ZRANB3: variants seen among roughly 807,000 people sequenced by gnomAD.
ZRANB3 encodes the protein zinc finger RANBP2-type containing 3, also known as DNA annealing helicase and endonuclease ZRANB3.
A neutral mutation model predicts 133.8 loss-of-function variants in ZRANB3; 125 were observed. That is an observed-to-expected ratio of 0.93 (90% CI 0.81 to 1.08). The LOEUF is 1.08. Ranked by LOEUF, ZRANB3 falls within the 50% of genes least tolerant of loss-of-function variation. The pLI is 0.00. For missense variants in ZRANB3, 1,229 were observed against 1,275.5 expected, an observed-to-expected ratio of 0.96 and a Z score of 0.56; for synonymous variants, 387 against 432.7, an observed-to-expected ratio of 0.89 and a Z score of 1.31.
chr2:135,256,971 C>T (rs961216021), intron 12 of ZRANB3, among the ~76,000 whole-genome samples: 2 of 152,196 alleles, frequency 1.3e-5, no homozygotes, highest in Non-Finnish European at 2.9e-5. Flanking sequence ...GATATTCCCA[C>T]CAGCACCAAA....
intron 6 of ZRANB3, among the ~76,000 whole-genome samples, chr2:135,328,291 C>T (rs1683944531): frequency 6.6e-6 from 1 of 150,980 alleles, no homozygotes; most frequent in East Asian, 1.9e-4. Context: ...GTTCAATTCC[C>T]ACATAAGAGT....
chr2:135,216,561 T>C (rs899697810), intron 17 of ZRANB3, among the ~76,000 whole-genome samples: 1 of 151,490 alleles, frequency 6.6e-6, no homozygotes, highest in African/African-American at 2.4e-5. Context: ...GGCCTCAGCC[T>C]CCCAAGTAGC....
chr2:135,444,461 C>T (rs904269906), intron 2 of ZRANB3, among the ~76,000 whole-genome samples: 2 of 152,048 alleles, frequency 1.3e-5, no homozygotes, highest in Non-Finnish European at 2.9e-5. Context: ...CTGATTTATA[C>T]AACAAGGATG....
At chr2:135,398,759 G>A (rs539712011) in intron 2 of ZRANB3, among the ~76,000 whole-genome samples, 5 of 150,762 alleles carry the variant, frequency 3.3e-5, no homozygotes, top group East Asian at 2.0e-4. Context: ...TCCTGACCTC[G>A]TGATCCGCCA....
chr2:135,436,745 T>C (rs1417861131), intron 2 of ZRANB3, among the ~76,000 whole-genome samples: 1 of 152,004 alleles, frequency 6.6e-6, no homozygotes, highest in Non-Finnish European at 1.5e-5. Context: ...GCATTCTTCA[T>C]AGAATTTAAA....
chr2:135,253,926 T>C (rs1679524389), intron 12 of ZRANB3, among the ~76,000 whole-genome samples: 5 of 152,252 alleles, frequency 3.3e-5, no homozygotes. Context: ...TGAAGACAGA[T>C]ATCTGATCAT....
rs112483955 is a variant in ZRANB3 at position 135,248,872 on chromosome 2, T to C, written c.1539+16662A>G. Among the ~76,000 whole-genome samples the C allele has an allele frequency of 3.0e-3, 452 of 152,166 alleles. 3 individuals are homozygous for C. Among genetic ancestry groups the C allele is most frequent in the African/African-American group, 0.01 (421 of 41,514 alleles). On this transcript the variant is annotated intron_variant, in intron 12 of 20. Transcript: ENST00000264159. The stretch of plus-strand genomic sequence containing the variant: ...AGTGAGCCAAGATTGCACCATCACA[T>C]TCCAGCCTGGGTGAGAAAGCAAGAC...
At chr2:135,422,882 T>TA (rs1211543659) in intron 2 of ZRANB3, among the ~76,000 whole-genome samples, 4 of 152,194 alleles carry the variant, frequency 2.6e-5, no homozygotes, top group African/African-American at 9.6e-5. Flanking sequence ...AGGGCTACTG[T>TA]AAAAAAGTAC....
chr2:135,360,711 AT>A (rs1685655316), intron 3 of ZRANB3, among the ~76,000 whole-genome samples: 1 of 152,202 alleles, frequency 6.6e-6, no homozygotes, highest in East Asian at 1.9e-4. Flanking sequence ...TCTCAAAAAA[AT>A]AAAATAAAAT....
At chr2:135,471,363 T>C (rs140138247) in intron 2 of ZRANB3, among the ~76,000 whole-genome samples, 1 of 152,286 alleles carries the variant, frequency 6.6e-6, no homozygotes, top group Non-Finnish European at 1.5e-5. Flanking sequence ...CAATAAGATC[T>C]TACCATAAGT....
intron 12 of ZRANB3, among the ~76,000 whole-genome samples, chr2:135,241,504 T>C (rs1371725287): frequency 1.3e-5 from 2 of 152,172 alleles, no homozygotes; most frequent in East Asian, 3.8e-4. Context: ...TTTATCTTTT[T>C]CATGCTATAG....
intron 12 of ZRANB3, among the ~76,000 whole-genome samples, chr2:135,234,568 A>T (rs943602790): frequency 6.6e-5 from 10 of 152,222 alleles, no homozygotes; most frequent in African/African-American, 2.4e-4. Flanking sequence ...ATGTAAAAGA[A>T]CAGAAATTAT....
chr2:135,418,927 T>C lies in ZRANB3; in HGVS notation c.162-28107A>G, dbSNP rs74701163. Among the ~76,000 whole-genome samples, 733 of 73,828 alleles carry C rather than the reference T, an allele frequency of 9.9e-3. 7 individuals carry two copies. The highest frequency in any genetic ancestry group is 0.032 in the African/African-American group (272 of 8,592). 48.4% of individuals were successfully genotyped at this position (73,828 alleles called of 152,430 possible). The stretch of plus-strand genomic sequence containing the variant: ...GTAATGAAAAATAAGGATTCTCTCT[T>C]TTTTTTTTTTTTTTTTTTTTTTTTT... On this transcript the variant is annotated intron_variant, in intron 2 of 20. Transcript: ENST00000264159.
chr2:135,335,297 TGG>T (rs1684319333), intron 6 of ZRANB3, among the ~76,000 whole-genome samples: 1 of 152,000 alleles, frequency 6.6e-6, no homozygotes, highest in African/African-American at 2.4e-5. Flanking sequence ...GACACTATTC[TGG>T]GTGACACAGA....
Position 135,363,036 on chromosome 2 carries a change from A to C in ZRANB3, c.181-9408T>G, listed in dbSNP as rs77316362. 3.0e-3 allele frequency among the ~76,000 whole-genome samples: 452 copies of C among 152,354 alleles called. 3 individuals carry two copies. The highest frequency in any genetic ancestry group is 0.01 in the African/African-American group (421 of 41,578). Reference sequence around the variant, plus strand: ...TTTCAAGTAAAAAGATTAAAAAAAAAGTTACAGCTCTACAACGTAGTAGCA... The same window carrying C: ...TTTCAAGTAAAAAGATTAAAAAAAACGTTACAGCTCTACAACGTAGTAGCA... On this transcript the variant is annotated intron_variant, in intron 3 of 20. Coordinates refer to ENST00000264159, the MANE Select transcript of ZRANB3 (RefSeq NM_032143.4).
rs146205006 is a variant in ZRANB3 at position 135,380,322 on chromosome 2, A to G, written c.180+10480T>C. ...TCTGCACCAAGCGGACCTAATAGACATCTACAGAACTCTCCACCCCAAATC... is the reference window on the plus strand; with the variant it reads ...TCTGCACCAAGCGGACCTAATAGACGTCTACAGAACTCTCCACCCCAAATC... On this transcript the variant is annotated intron_variant, in intron 3 of 20. Coordinates refer to ENST00000264159, the MANE Select transcript of ZRANB3 (RefSeq NM_032143.4). Among the ~76,000 whole-genome samples, 2,634 of 152,322 alleles carry G rather than the reference A, an allele frequency of 0.017. 242 individuals carry two copies. The East Asian group carries it at 0.28, about 16-fold the overall frequency.
At chr2:135,403,984 A>G (rs951496790) in intron 2 of ZRANB3, among the ~76,000 whole-genome samples, 2 of 152,190 alleles carry the variant, frequency 1.3e-5, no homozygotes, top group African/African-American at 4.8e-5. Flanking sequence ...AAGGTAGATA[A>G]AACCACAAAG....
At chr2:135,373,178 A>G (rs1224681384) in intron 3 of ZRANB3, among the ~76,000 whole-genome samples, 1 of 152,192 alleles carries the variant, frequency 6.6e-6, no homozygotes, top group Non-Finnish European at 1.5e-5. Context: ...AGAATAAATT[A>G]ATAAAAATTC....
At chr2:135,491,823 AT>A (rs1410534918) in intron 2 of ZRANB3, among the ~76,000 whole-genome samples, 1 of 152,132 alleles carries the variant, frequency 6.6e-6, no homozygotes, top group African/African-American at 2.4e-5. Context: ...CCACATGAGT[AT>A]TTTTATAAAT....
Sources: gnomAD v4.1 joint callset for allele counts (sites outside exome capture counted in the v4.1 genomes callset) on GRCh38, gnomAD v4.1.1 for gene constraint, MANE v1.5 for transcripts, NCBI Gene and HGNC (gene_info 2026-07-23, HGNC 2026-07-21) for gene names.